Variants in PLXND1 observed in about 807,000 individuals in gnomAD.
PLXND1 encodes the protein plexin D1.
In PLXND1, 54 loss-of-function variants were observed where a neutral mutation model predicts 197.7. The observed-to-expected ratio is 0.27, with a 90% CI of 0.22 to 0.34. The LOEUF is 0.34. PLXND1 is among the 10% of genes least tolerant of loss of function. The pLI is 1.00. For missense variants in PLXND1, 2,127 were observed against 2,699.2 expected, an observed-to-expected ratio of 0.79 and a Z score of 4.70; for synonymous variants, 1,180 against 1,161.2, an observed-to-expected ratio of 1.02 and a Z score of -0.33.
chr3:129,599,270 G>A (rs1050938381), intron 1 of PLXND1, among the ~76,000 whole-genome samples: 53 of 152,252 alleles, frequency 3.5e-4, no homozygotes, highest in African/African-American at 1.2e-3. Flanking sequence ...CGGGCCCGAT[G>A]CGCGTGGCCC....
At chr3:129,593,506 CA>C (rs879707387) in intron 1 of PLXND1, among the ~76,000 whole-genome samples, 31 of 152,276 alleles carry the variant, frequency 2.0e-4, no homozygotes, top group Non-Finnish European at 1.8e-4. Context: ...CTCAGCCCCC[CA>C]ACTCCTGTGA....
intron 35 of PLXND1, 90 bp from the exon 36 acceptor site, chr3:129,556,518 G>A: frequency 7.5e-7 from 1 of 1,332,514 alleles, no homozygotes; most frequent in Non-Finnish European, 1.1e-6. Context: ...TCTACCACGA[G>A]TGACATCCGT....
chr3:129,563,958 C>T (rs1165219958), intron 25 of PLXND1, among the ~76,000 whole-genome samples: 2 of 152,188 alleles, frequency 1.3e-5, no homozygotes, highest in African/African-American at 4.8e-5. Flanking sequence ...AGTCCTGGTC[C>T]AATTCTCCAG....
chr3:129,572,910 G>T lies in PLXND1; in HGVS notation c.2869C>A (p.Pro957Thr), dbSNP rs773782221. 6.2e-7 allele frequency: 1 copy of T among 1,613,728 alleles called. No homozygotes were observed. The highest frequency in any genetic ancestry group is 8.5e-7 in the Non-Finnish European group (1 of 1,179,828). ...TTCACGGTCACCACACCTGAGAGTG[G>T]TCCTGGGGCTGGCCCTGTGACACAC... Reference protein sequence around the residue: ...IVCVTGPAPGPLSGVVTVNAS... With the variant: ...IVCVTGPAPGTLSGVVTVNAS... Residue 957 changes from proline (P) to threonine (T), a missense_variant, in exon 14 of 36, where the codon CCA (proline) becomes ACA (threonine). By Grantham distance (38) the Pro-to-Thr change is conservative (BLOSUM62 -1). Coordinates refer to ENST00000324093, the MANE Select transcript of PLXND1 (RefSeq NM_015103.3).
In PLXND1 at chr3:129,565,477, T is replaced by C; in HGVS notation, c.4384A>G (p.Ile1462Val). Residue 1462 changes from isoleucine (I) to valine (V), a missense_variant, in exon 25 of 36, where the codon ATC becomes GTC. By Grantham distance (29) the Ile-to-Val change is conservative. This residue lies in a region of PLXND1 where 532 missense variants were observed against 811.0 expected (regional missense o/e 0.66). Coordinates refer to ENST00000324093, the MANE Select transcript of PLXND1 (RefSeq NM_015103.3). ...LHGKLEYYTS[I>V]MKELLVDLID... ...AGGTCCACCAGCAGCTCCTTCATGA[T>C]GCTGGTGTAGTACTCCAGCTTGCCG... 6.2e-7 allele frequency: 1 copy of C among 1,613,978 alleles called. No individual in the cohort carries two copies. Among genetic ancestry groups the C allele is most frequent in the Non-Finnish European group, 8.5e-7 (1 of 1,179,978 alleles).
In PLXND1 at chr3:129,605,787, G is replaced by A. The variant is rs200556177; in HGVS notation, c.853C>T (p.His285Tyr). ...HKLGFVSAFL[H>Y]PSDPPPGAQS... ...GCACCCGGCGGCGGGTCGGACGGGT[G>A]CAGGAAGGCGCTCACGAAGCCCAGC... The change falls in exon 1 of 36, where the codon CAC becomes TAC. Residue 285 changes from histidine (H) to tyrosine (Y), a missense_variant. His to Tyr is a moderately conservative substitution (Grantham distance 83). This residue lies in a region of PLXND1 where 1,095 missense variants were observed against 1,259.8 expected (regional missense o/e 0.87). Coordinates refer to ENST00000324093, the MANE Select transcript of PLXND1 (RefSeq NM_015103.3). 13 of 1,589,856 alleles carry A rather than the reference G, an allele frequency of 8.2e-6. No homozygotes were observed. In the East Asian group the frequency reaches 2.3e-4, roughly 28 times the overall value.
Position 129,557,071 on chromosome 3 carries a change from G to A in PLXND1, c.5586+12C>T, listed in dbSNP as rs760048431. ...CTTCAGGCCCCCATCCCCCGCCGCCGAGCCACCGCACCCTCGACTCCTCGG... is the reference window on the plus strand; with the variant it reads ...CTTCAGGCCCCCATCCCCCGCCGCCAAGCCACCGCACCCTCGACTCCTCGG... On this transcript the variant is annotated intron_variant, in intron 34 of 35. Transcript: ENST00000324093. This position sits in a 1 kb window ranked among gnomAD's most constrained non-coding sequence, Gnocchi z 4.8. The A allele has an allele frequency of 5.0e-6, 8 of 1,611,182 alleles. No individual in the cohort carries two copies. Among genetic ancestry groups the A allele is most frequent in the East Asian group, 2.2e-5 (1 of 44,724 alleles).
chr3:129,556,230 C>T lies in PLXND1; in HGVS notation c.*82G>A. 2 of 945,504 alleles carry T rather than the reference C, an allele frequency of 2.1e-6. No individual in the cohort carries two copies. The highest frequency in any genetic ancestry group is 3.4e-6 in the Non-Finnish European group (2 of 583,272). 58.6% of individuals were successfully genotyped at this position (945,504 alleles called of 1,614,324 possible). A position where few individuals can be genotyped will look rare whatever the true frequency, so the allele number is the denominator to read the frequency against. ...GCTCAGTATTTCCCAGTCTGAGTCA[C>T]AGGCACGGGGTAGAAGATCAAGTTG... On this transcript the variant is annotated 3_prime_UTR_variant, in exon 36 of 36. Transcript: ENST00000324093.
chr3:129,568,094 A>G (rs1255970912), intron 20 of PLXND1, among the ~76,000 whole-genome samples: 5 of 152,018 alleles, frequency 3.3e-5, no homozygotes, highest in Non-Finnish European at 7.4e-5. Flanking sequence ...GCCCCGTTAA[A>G]AAAAAAAAGA....
Position 129,558,537 on chromosome 3 carries a change from G to A in PLXND1, c.5336C>T (p.Pro1779Leu). The A allele has an allele frequency of 6.2e-7, 1 of 1,614,016 alleles. No individual in the cohort carries two copies. The highest frequency in any genetic ancestry group is 8.5e-7 in the Non-Finnish European group (1 of 1,179,976). ...LRFWVNILKN[P>L]QFVFDIDKTD... ...CTTGTCGATGTCAAAGACAAACTGG[G>A]GGTTCTTCAGGATGTTCACCCAGAA... is the stretch of plus-strand genomic sequence containing the variant. The change falls in exon 33 of 36, where the codon CCC becomes CTC. Residue 1779 changes from proline (P) to leucine (L), a missense_variant. Around this residue, in one of 6 missense-constraint regions of PLXND1, gnomAD observed 200 missense variants for 303.3 expected, o/e 0.66. Transcript: ENST00000324093. This position sits in a 1 kb window ranked among gnomAD's most constrained non-coding sequence, Gnocchi z 4.1.
At chr3:129,578,490 A>G in intron 8 of PLXND1, 57 bp from the exon 9 acceptor site, 1 of 1,060,290 alleles carries the variant, frequency 9.4e-7, no homozygotes, top group Non-Finnish European at 1.4e-6. Flanking sequence ...AAGAGGCAGG[A>G]GGACTCACTG....
chr3:129,600,818 G>C (rs2085696731), intron 1 of PLXND1, among the ~76,000 whole-genome samples: 1 of 151,836 alleles, frequency 6.6e-6, no homozygotes, highest in Non-Finnish European at 1.5e-5. Flanking sequence ...TGGCATCTCA[G>C]CCCCTAAATT....
At chr3:129,564,517 C>A (rs1471978879) in intron 25 of PLXND1, among the ~76,000 whole-genome samples, 1 of 152,236 alleles carries the variant, frequency 6.6e-6, no homozygotes, top group Non-Finnish European at 1.5e-5. Flanking sequence ...ACATCCGAGG[C>A]CCCGGTTCTG....
intron 3 of PLXND1, 37 bp downstream of exon 3, chr3:129,586,551 G>C (rs1477650289): frequency 2.6e-6 from 4 of 1,556,706 alleles, no homozygotes; most frequent in Non-Finnish European, 3.5e-6. Flanking sequence ...GGCTCGGCTG[G>C]TGCTGGGATG....
intron 2 of PLXND1, 119 bp downstream of exon 2, chr3:129,589,232 G>T: frequency 1.3e-6 from 1 of 790,870 alleles, no homozygotes; most frequent in Non-Finnish European, 2.0e-6. Flanking sequence ...AGGCGAATGG[G>T]AGAAAACAAA....
chr3:129,604,592 T>A (rs1225789802), intron 1 of PLXND1, among the ~76,000 whole-genome samples: 2 of 152,224 alleles, frequency 1.3e-5, no homozygotes, highest in Non-Finnish European at 2.9e-5. Flanking sequence ...CCACACCTGG[T>A]ACATACTAGG....
At position 129,589,335 on chromosome 3, in the gene PLXND1, C is replaced by CCCCCCCCCCCCA; in HGVS notation, c.1488+15_1488+16insTGGGGGGGGGGG. 1 of 1,082,768 alleles carries CCCCCCCCCCCCA rather than the reference C, an allele frequency of 9.2e-7. No individual in the cohort carries two copies. Among genetic ancestry groups the CCCCCCCCCCCCA allele is most frequent in the Non-Finnish European group, 1.4e-6 (1 of 728,782 alleles). The allele number at this position is 1,082,768 out of a possible 1,614,324, so 67.1% of individuals were successfully genotyped here. ...TCCCACCCCCACCCCCTCCCCACAT[C>CCCCCCCCCCCCA]CCCAACCATACCTACCTTGAGAAGC... On this transcript the variant is annotated intron_variant, in intron 2 of 35. Coordinates refer to ENST00000324093, the MANE Select transcript of PLXND1 (RefSeq NM_015103.3).
At position 129,558,232 on chromosome 3, in the gene PLXND1, A is replaced by AT. The variant is rs2085002782; in HGVS notation, c.5445+195dup. ...GGTCTGCAGCGATACAGAGTTTCTGATGGAAGGTACTGGCTTCTAGGTGTC... is the reference window on the plus strand; with the variant it reads ...GGTCTGCAGCGATACAGAGTTTCTGATTGGAAGGTACTGGCTTCTAGGTGTC... On this transcript the variant is annotated intron_variant, in intron 33 of 35. Coordinates refer to ENST00000324093, the MANE Select transcript of PLXND1 (RefSeq NM_015103.3). The surrounding 1 kb of genome is among the most constrained non-coding windows in gnomAD (Gnocchi z 4.1). Among the ~76,000 whole-genome samples the AT allele has an allele frequency of 6.6e-6, 1 of 152,214 alleles. No homozygotes were observed. Among genetic ancestry groups the AT allele is most frequent in the Non-Finnish European group, 1.5e-5 (1 of 68,040 alleles).
Position 129,605,494 on chromosome 3 carries a change from G to C in PLXND1, c.1146C>G (p.Arg382=). 6.7e-7 allele frequency: 1 copy of C among 1,491,812 alleles called. No homozygotes were observed. Among genetic ancestry groups the C allele is most frequent in the Non-Finnish European group, 8.8e-7 (1 of 1,130,066 alleles). 92.4% of individuals were successfully genotyped at this position (1,491,812 alleles called of 1,614,324 possible). The change falls in exon 1 of 36, where the codon CGC becomes CGG. Residue 382 remains arginine, a synonymous_variant. Coordinates refer to ENST00000324093, the MANE Select transcript of PLXND1 (RefSeq NM_015103.3). ...AGGCGCAGAGTGCGGCCGGAGCAGC[G>C]CGGGCCGCGGGGGACCCCTGGGGCC... ...FERPQGSPAA[R]AAPAALCAFR...
Sources: allele counts gnomAD v4.1 joint callset (sites outside exome capture counted in the v4.1 genomes callset), GRCh38; gene constraint gnomAD v4.1.1; regional missense constraint gnomAD v4.1.1; non-coding constraint Gnocchi (gnomAD v3.1); transcripts MANE v1.5; gene names NCBI Gene and HGNC (gene_info 2026-07-23, HGNC 2026-07-21).